The following GATAD2A variants were observed in gnomAD, a reference collection of about 807,000 sequenced individuals.
GATAD2A encodes the protein transcriptional repressor p66-alpha.
In GATAD2A, 12 loss-of-function variants were observed where a neutral mutation model predicts 68.5. The observed-to-expected ratio is 0.18, with a 90% CI of 0.11 to 0.28. The LOEUF is 0.28. Ranked by LOEUF, GATAD2A falls within the 10% of genes least tolerant of loss-of-function variation. The probability of loss-of-function intolerance (pLI) is 1.00; values close to 1 mark genes in which losing one functional copy is unlikely to be tolerated. For missense variants in GATAD2A, 755 were observed against 868.5 expected (o/e 0.87, Z 1.64); for synonymous variants, 410 against 375.3 (o/e 1.09, Z -1.07).
chr19:19,388,489 A>C (rs537584849), intron 1 of GATAD2A, among the ~76,000 whole-genome samples: 11 of 151,952 alleles, frequency 7.2e-5, no homozygotes, highest in Non-Finnish European at 1.6e-4. Flanking sequence ...GGTTTCCAGG[A>C]GCCTGGAGGA....
intron 2 of GATAD2A, among the ~76,000 whole-genome samples, chr19:19,476,594 G>T (rs1252684960): frequency 1.3e-5 from 2 of 152,230 alleles, no homozygotes; most frequent in African/African-American, 4.8e-5. Context: ...TGGAGGCTAC[G>T]GGGCGGCTTC....
At chr19:19,401,673 A>T (rs1456474872), upstream of GATAD2A, among the ~76,000 whole-genome samples, 1 of 151,858 alleles carries the variant, frequency 6.6e-6, no homozygotes, top group Non-Finnish European at 1.5e-5. Context: ...AGTGTTTATC[A>T]CATAAGTCAT....
At chr19:19,421,430 T>G (rs1476128897) in intron 1 of GATAD2A, among the ~76,000 whole-genome samples, 1 of 152,146 alleles carries the variant, frequency 6.6e-6, no homozygotes, top group Non-Finnish European at 1.5e-5. Flanking sequence ...ATGTCTTGCA[T>G]GTAGGTTGGG....
intron 2 of GATAD2A, among the ~76,000 whole-genome samples, chr19:19,484,970 C>T (rs556191707): frequency 6.6e-6 from 1 of 152,328 alleles, no homozygotes; most frequent in East Asian, 1.9e-4. Context: ...CTGCAGACTG[C>T]CTCCTCCTTT....
At chr19:19,452,902 G>A (rs114603730) in intron 1 of GATAD2A, among the ~76,000 whole-genome samples, 17 of 152,208 alleles carry the variant, frequency 1.1e-4, no homozygotes, top group African/African-American at 3.4e-4. Context: ...CCTCCTGTGC[G>A]TCCCCTCAAA....
At chr19:19,395,450 G>A (rs375224382) in intron 1 of GATAD2A, among the ~76,000 whole-genome samples, 10 of 150,854 alleles carry the variant, frequency 6.6e-5, no homozygotes, top group Middle Eastern at 3.4e-3. Context: ...GCGAGATTCC[G>A]TCTCAAAAAA....
chr19:19,466,378 G>A lies in GATAD2A; in HGVS notation c.269+764G>A, dbSNP rs547519134. Among the ~76,000 whole-genome samples, 17 of 152,316 alleles carry A rather than the reference G, an allele frequency of 1.1e-4. No homozygotes were observed. The South Asian group carries it at 2.7e-3, about 24-fold the overall frequency. On this transcript the variant is annotated intron_variant, in intron 2 of 11. Coordinates refer to ENST00000683918, the MANE Select transcript of GATAD2A (RefSeq NM_001384528.1). ...GCCCAGACACCCACTGAGGGCTGTG[G>A]TGTGGCCACAGCTTCCCGGCTGGCC...
chr19:19,385,906 CCAGGGTCAG>C (rs996416430), exon 1 of GATAD2A: 5 of 149,830 alleles, frequency 3.3e-5, no homozygotes, highest in Non-Finnish European at 7.4e-5. Context: ...CTCCTCCCGC[CCAGGGTCAG>C]CGCCCCGGCG....
chr19:19,428,868 G>C (rs1296199081), intron 1 of GATAD2A, among the ~76,000 whole-genome samples: 1 of 152,202 alleles, frequency 6.6e-6, no homozygotes, highest in African/African-American at 2.4e-5. Flanking sequence ...GCATGCCAGG[G>C]GTGGGGCAGG....
chr19:19,401,341 G>A (rs1015908036), upstream of GATAD2A, among the ~76,000 whole-genome samples: 2 of 150,804 alleles, frequency 1.3e-5, no homozygotes, highest in African/African-American at 4.9e-5. Flanking sequence ...AGCCTCCCGA[G>A]TAGCTGGGAC....
intron 2 of GATAD2A, among the ~76,000 whole-genome samples, chr19:19,480,860 C>G (rs2059009712): frequency 6.6e-6 from 1 of 152,146 alleles, no homozygotes; most frequent in East Asian, 1.9e-4. Flanking sequence ...TGATGGGGAT[C>G]CAGCCACTTG....
At chr19:19,503,933 A>G (rs1222574635) in intron 11 of GATAD2A, among the ~76,000 whole-genome samples, 3 of 152,322 alleles carry the variant, frequency 2.0e-5, no homozygotes, top group East Asian at 3.9e-4. Context: ...AGGGCCAGAC[A>G]TGCTGGCTCT....
chr19:19,434,938 G>C, intron 1 of GATAD2A: 1 of 313,498 alleles, frequency 3.2e-6, no homozygotes, highest in Non-Finnish European at 7.0e-6. Context: ...CCCTCATCTT[G>C]AGGGTAAACC....
chr19:19,459,375 T>C (rs2057223095), intron 1 of GATAD2A, among the ~76,000 whole-genome samples: 1 of 152,148 alleles, frequency 6.6e-6, no homozygotes, highest in African/African-American at 2.4e-5. Flanking sequence ...CACCTTTTTT[T>C]TTTTTTTAAA....
intron 1 of GATAD2A, among the ~76,000 whole-genome samples, chr19:19,447,024 A>G (rs570368117): frequency 2.0e-5 from 3 of 152,228 alleles, no homozygotes; most frequent in Non-Finnish European, 4.4e-5. Context: ...TGTGCAAAGC[A>G]TTGTGCCTGC....
At chr19:19,488,661 G>C (rs745326166) in intron 2 of GATAD2A, among the ~76,000 whole-genome samples, 3 of 152,240 alleles carry the variant, frequency 2.0e-5, no homozygotes, top group Non-Finnish European at 4.4e-5. Context: ...GAATTTCTGT[G>C]CTTGTGAGGT....
intron 2 of GATAD2A, chr19:19,474,194 C>T (rs2058512658): frequency 1.0e-6 from 1 of 982,030 alleles, no homozygotes; most frequent in African/African-American, 1.7e-5. Flanking sequence ...TGGACAGATG[C>T]TTTTTACAGG....
At chr19:19,482,426 C>G (rs1162478138) in intron 2 of GATAD2A, among the ~76,000 whole-genome samples, 3 of 152,156 alleles carry the variant, frequency 2.0e-5, no homozygotes, top group Non-Finnish European at 4.4e-5. Context: ...ATTTGATGAC[C>G]TGAATTAGCA....
intron 1 of GATAD2A, among the ~76,000 whole-genome samples, chr19:19,453,641 G>A (rs745632180): frequency 8.6e-5 from 13 of 151,492 alleles, no homozygotes; most frequent in Non-Finnish European, 1.6e-4. Flanking sequence ...GACCACAGGC[G>A]TGTACCACCA....
Sources: allele counts gnomAD v4.1 joint callset (sites outside exome capture counted in the v4.1 genomes callset), GRCh38; gene constraint gnomAD v4.1.1; transcripts MANE v1.5; gene names NCBI Gene and HGNC (gene_info 2026-07-23, HGNC 2026-07-21).